CALCA: variants seen among roughly 807,000 people sequenced by gnomAD.
CALCA encodes calcitonin.
A neutral mutation model predicts 6.9 loss-of-function variants in CALCA; 4 were observed. The ratio of observed to expected loss-of-function variants is 0.58; its 90% confidence interval spans 0.29 to 1.33. The LOEUF (loss-of-function observed/expected upper bound fraction) is 1.33, where lower values mean the gene tolerates loss of function less well. CALCA is among the 40% of genes most tolerant of loss of function. CALCA has a pLI of 0.09. For missense variants in CALCA, 174 were observed against 178.3 expected (o/e 0.98, Z 0.14); for synonymous variants, 78 against 70.0 (o/e 1.11, Z -0.57).
Position 14,970,039 on chromosome 11 carries a change from C to T in CALCA, c.123G>A (p.Thr41=), listed in dbSNP as rs143847934. 72 of 1,614,122 alleles carry T rather than the reference C, an allele frequency of 4.5e-5. No homozygotes were observed. The African/African-American group carries it at 6.5e-4, about 15-fold the overall frequency. ...ALESSPADPA[T]LSEDEARLLL... ...GGAGGCGCGCTTCGTCCTCACTGAG[C>T]GTGGCCGGGTCTGCTGGGCTGCTCT... The change falls in exon 3 of 4, where the codon ACG becomes ACA. Residue 41 remains threonine, a synonymous_variant. Transcript: ENST00000331587.
At chr11:14,971,451 G>A (rs1849603638) in intron 1 of CALCA, among the ~76,000 whole-genome samples, 1 of 152,096 alleles carries the variant, frequency 6.6e-6, no homozygotes, top group Non-Finnish European at 1.5e-5. Flanking sequence ...AGCTGAGTGG[G>A]GGAGGTCTCA....
At chr11:14,967,832 A>T (rs782135021), downstream of CALCA, 2 of 1,614,234 alleles carry the variant, frequency 1.2e-6, no homozygotes, top group Middle Eastern at 1.6e-4. Flanking sequence ...GCAGTGTCAC[A>T]GGCTCTCTTC....
rs1849512240 is a variant in CALCA, at chr11:14,968,640, A to G, written c.*159T>C. On this transcript the variant is annotated 3_prime_UTR_variant, in exon 4 of 4. Transcript: ENST00000331587. ...CCAGGTGATTCTCTTCCAACCTGTG[A>G]GTCCTGCTCTCTTTCCTCCCATCTG... The G allele has an allele frequency of 1.3e-6, 2 of 1,579,984 alleles. No homozygotes were observed. The highest frequency in any genetic ancestry group is 2.7e-5 in the African/African-American group (2 of 74,092).
chr11:14,969,149 A>G, intron 3 of CALCA, 152 bp from the exon 4 acceptor site: 2 of 740,406 alleles, frequency 2.7e-6, no homozygotes, highest in Admixed American at 4.0e-5. Flanking sequence ...AGGAGAGCTC[A>G]GAGGTGCAGT....
chr11:14,971,863 T>C (rs977472581), intron 1 of CALCA, among the ~76,000 whole-genome samples: 1 of 152,162 alleles, frequency 6.6e-6, no homozygotes, highest in Admixed American at 6.5e-5. Context: ...ATCCGCTCTG[T>C]TCCAGGTTCT....
chr11:14,971,050 C>A (rs1565209642), intron 2 of CALCA, 57 bp downstream of exon 2: 1 of 1,445,538 alleles, frequency 6.9e-7, no homozygotes, highest in African/African-American at 1.4e-5. Flanking sequence ...GTACACCACA[C>A]TTAAGAGGCA....
At chr11:14,969,136 A>T in intron 3 of CALCA, 139 bp from the exon 4 acceptor site, 2 of 767,642 alleles carry the variant, frequency 2.6e-6, no homozygotes, top group Non-Finnish European at 4.6e-6. Context: ...TCTATCCTTC[A>T]TTAGGAGAGC....
Position 14,968,794 on chromosome 11 carries a change from G to A in CALCA, c.*5C>T, listed in dbSNP as rs926385608. 1 of 1,614,176 alleles carries A rather than the reference G, an allele frequency of 6.2e-7. No individual in the cohort carries two copies. ...GAAGGGAAATTAGGAAGGAAAGGGAGGAGTTTAGTTGGCATTCTGGGGCAT... is the reference window on the plus strand; with the variant it reads ...GAAGGGAAATTAGGAAGGAAAGGGAAGAGTTTAGTTGGCATTCTGGGGCAT... On this transcript the variant is annotated 3_prime_UTR_variant, in exon 4 of 4. Transcript: ENST00000331587.
chr11:14,967,471 T>C (rs367601323), downstream of CALCA, among the ~76,000 whole-genome samples: 12 of 152,300 alleles, frequency 7.9e-5, no homozygotes, highest in African/African-American at 2.6e-4. Flanking sequence ...GGTCTGATGA[T>C]CTCAGGGTTA....
chr11:14,969,277 C>T (rs1465490440), intron 3 of CALCA, among the ~76,000 whole-genome samples: 2 of 152,156 alleles, frequency 1.3e-5, no homozygotes, highest in African/African-American at 2.4e-5. Flanking sequence ...GCAGGGGCAA[C>T]ACATGCCTCT....
At chr11:14,968,088 G>C (rs1849498732), downstream of CALCA, 14 of 590,108 alleles carry the variant, frequency 2.4e-5, no homozygotes, top group East Asian at 4.1e-4. Flanking sequence ...GGTGACTCTG[G>C]ATGACTGGCT....
rs1232482341 is a variant in CALCA, at chr11:14,969,934, C to T, written c.227+1G>A. The T allele has an allele frequency of 6.2e-7, 1 of 1,612,630 alleles. No homozygotes were observed. The highest frequency in any genetic ancestry group is 8.5e-7 in the Non-Finnish European group (1 of 1,180,044). On this transcript the variant is annotated splice_donor_variant, in intron 3 of 3. Transcript: ENST00000331587. LOFTEE classifies it high-confidence loss of function. ...TGTGCTGAGCGCTTGGGGAGCCTCA[C>T]CTGGAGCCCTCTCTCTCTTGCTCCT...
At chr11:14,967,766 T>TCACCA (rs1310878778), downstream of CALCA, 1 of 1,614,086 alleles carries the variant, frequency 6.2e-7, no homozygotes, top group Non-Finnish European at 8.5e-7. Flanking sequence ...AAGTTGTTCT[T>TCACCA]CACCACACCC....
At position 14,970,128 on chromosome 11, in the gene CALCA, C is replaced by A. The variant is rs1849566215; in HGVS notation, c.87-53G>T. The A allele has an allele frequency of 7.5e-6, 12 of 1,606,532 alleles. No homozygotes were observed. In the Admixed American group the frequency reaches 2.0e-4, roughly 27 times the overall value. Reference sequence around the variant, plus strand: ...GGCTGTGAGCCCCTGCCTGCCCCTCCCCAGGATAAGCAGCCAGGCTTCCTG... The same window carrying A: ...GGCTGTGAGCCCCTGCCTGCCCCTCACCAGGATAAGCAGCCAGGCTTCCTG... On this transcript the variant is annotated intron_variant, in intron 2 of 3. Transcript: ENST00000331587.
At chr11:14,967,846 G>A (rs148654592), downstream of CALCA, 5,901 of 1,614,198 alleles carry the variant, frequency 3.7e-3, 21 homozygotes, top group Non-Finnish European at 4.4e-3. Context: ...TCTCTTCTGG[G>A]CAATGATTCT....
intron 1 of CALCA, 51 bp from the exon 2 acceptor site, chr11:14,971,252 A>C: frequency 4.3e-6 from 5 of 1,159,874 alleles, no homozygotes; most frequent in Non-Finnish European, 6.5e-6. Context: ...AAGTTCTAGG[A>C]GCCCACAGAC....
intron 1 of CALCA, among the ~76,000 whole-genome samples, chr11:14,971,575 A>G (rs1483454142): frequency 1.3e-5 from 2 of 152,210 alleles, no homozygotes; most frequent in Admixed American, 1.3e-4. Context: ...AAGGAAACCC[A>G]GAGCTGTCCT....
At position 14,970,064 on chromosome 11, in the gene CALCA, T is replaced by C. The variant is rs782225521; in HGVS notation, c.98A>G (p.Glu33Gly). 6.2e-7 allele frequency: 1 copy of C among 1,614,214 alleles called. No homozygotes were observed. The highest frequency in any genetic ancestry group is 1.1e-5 in the South Asian group (1 of 91,070). Residue 33 changes from glutamate to glycine, a missense_variant, in exon 3 of 4, where the codon GAG becomes GGG. Transcript: ENST00000331587. ...CGTGGCCGGGTCTGCTGGGCTGCTC[T>C]CCAGGGCAGACCTGTGGAGGGGAAG... ...LHAAPFRSAL[E>G]SSPADPATLS...
intron 1 of CALCA, 98 bp from the exon 2 acceptor site, chr11:14,971,299 C>G (rs984923658): frequency 6.1e-6 from 5 of 819,016 alleles, no homozygotes; most frequent in Middle Eastern, 2.2e-4. Flanking sequence ...TTGCTTCTAA[C>G]GCTCTGGCTT....
Sources: gnomAD v4.1 joint callset for allele counts (sites outside exome capture counted in the v4.1 genomes callset) on GRCh38, gnomAD v4.1.1 for gene constraint, MANE v1.5 for transcripts, NCBI Gene and HGNC (gene_info 2026-07-23, HGNC 2026-07-21) for gene names.